The following CSTPP1 variants were observed in gnomAD, a reference collection of about 807,000 sequenced individuals.
CSTPP1 encodes the protein centriolar satellite-associated tubulin polyglutamylase complex regulator 1.
chr11:47,011,191 T>C, the CSTPP1 span, among the ~76,000 whole-genome samples: 2 of 152,224 alleles, frequency 1.3e-5, no homozygotes, highest in African/African-American at 4.8e-5. Context: ...TCTGTCAAAC[T>C]TTTTATCAAA....
the CSTPP1 span, among the ~76,000 whole-genome samples, chr11:46,958,738 G>A: frequency 4.2e-5 from 5 of 118,252 alleles, no homozygotes; most frequent in Non-Finnish European, 6.3e-5. Context: ...GTGTAGTTCC[G>A]TCTGAGTTCA....
the CSTPP1 span, among the ~76,000 whole-genome samples, chr11:47,135,867 G>C: frequency 1.4e-4 from 21 of 152,164 alleles, no homozygotes; most frequent in African/African-American, 5.1e-4. Context: ...TTGGAAGCAA[G>C]TACTTGAAGT....
the CSTPP1 span, among the ~76,000 whole-genome samples, chr11:47,111,931 AG>A: frequency 6.6e-6 from 1 of 152,218 alleles, no homozygotes; most frequent in Non-Finnish European, 1.5e-5. Flanking sequence ...TAGAGCTAAA[AG>A]GCCATATACA....
At chr11:47,145,934 A>T in the CSTPP1 span, among the ~76,000 whole-genome samples, 1 of 142,552 alleles carries the variant, frequency 7.0e-6, no homozygotes, top group Non-Finnish European at 1.5e-5. Flanking sequence ...TTTTATTTTA[A>T]GATGGGGTCT....
chr11:47,157,230 G>T, the CSTPP1 span: 1 of 1,549,316 alleles, frequency 6.5e-7, no homozygotes. Flanking sequence ...TGAGGAACGG[G>T]CATGCAGCCC....
the CSTPP1 span, among the ~76,000 whole-genome samples, chr11:47,011,501 G>A: frequency 6.6e-6 from 1 of 152,112 alleles, no homozygotes; most frequent in Non-Finnish European, 1.5e-5. Flanking sequence ...CAAGTTTTGG[G>A]GTGTGGGCAC....
the CSTPP1 span, among the ~76,000 whole-genome samples, chr11:47,098,315 T>G: frequency 6.8e-6 from 1 of 148,078 alleles, no homozygotes; most frequent in South Asian, 2.1e-4. Context: ...AAAAAATAAA[T>G]TTAAAAAAAA....
chr11:47,028,333 C>T, the CSTPP1 span, among the ~76,000 whole-genome samples: 1 of 152,096 alleles, frequency 6.6e-6, no homozygotes, highest in African/African-American at 2.4e-5. Flanking sequence ...AAGCTCATTC[C>T]GAATACATCA....
chr11:47,111,845 A>G, the CSTPP1 span, among the ~76,000 whole-genome samples: 1 of 152,214 alleles, frequency 6.6e-6, no homozygotes, highest in Non-Finnish European at 1.5e-5. Context: ...TGTAGATACC[A>G]TTTATTAAAT....
the CSTPP1 span, among the ~76,000 whole-genome samples, chr11:47,107,634 G>C: frequency 6.6e-6 from 1 of 152,124 alleles, no homozygotes; most frequent in African/African-American, 2.4e-5. Context: ...AGTTTGTCCA[G>C]GAGAGAAGGA....
the CSTPP1 span, among the ~76,000 whole-genome samples, chr11:47,068,952 T>C: frequency 1.1e-4 from 17 of 152,130 alleles, no homozygotes; most frequent in Non-Finnish European, 7.3e-5. Flanking sequence ...GTTGCAAATA[T>C]ATATATATAT....
At chr11:47,154,189 G>A in the CSTPP1 span, among the ~76,000 whole-genome samples, 4 of 151,984 alleles carry the variant, frequency 2.6e-5, no homozygotes, top group Non-Finnish European at 5.9e-5. Flanking sequence ...CACCCATCTC[G>A]GCCTCCCAAA....
the CSTPP1 span, among the ~76,000 whole-genome samples, chr11:47,058,058 G>GC: frequency 6.6e-6 from 1 of 152,168 alleles, no homozygotes; most frequent in African/African-American, 2.4e-5. Context: ...GACAGGCCAG[G>GC]CATGGTGGCT....
At chr11:47,029,069 T>G in the CSTPP1 span, among the ~76,000 whole-genome samples, 1 of 151,782 alleles carries the variant, frequency 6.6e-6, no homozygotes, top group African/African-American at 2.4e-5. Context: ...GATCTCAAAC[T>G]CCTAGGCACA....
the CSTPP1 span, chr11:47,164,264 G>A: frequency 1.1e-4 from 177 of 1,608,360 alleles, no homozygotes; most frequent in Middle Eastern, 6.6e-4. Context: ...GCCAGGGGCC[G>A]GCACTGGGCA....
the CSTPP1 span, among the ~76,000 whole-genome samples, chr11:47,133,640 A>G: frequency 6.6e-6 from 1 of 152,208 alleles, no homozygotes; most frequent in Admixed American, 6.5e-5. Context: ...GAAAATCTCA[A>G]TTCACTTGAA....
the CSTPP1 span, among the ~76,000 whole-genome samples, chr11:47,119,391 C>CCCCGA: frequency 6.6e-6 from 1 of 152,132 alleles, no homozygotes; most frequent in Non-Finnish European, 1.5e-5. Context: ...AAAGGGAACT[C>CCCCGA]CCCGACCCCT....
At chr11:46,966,998 A>C in the CSTPP1 span, among the ~76,000 whole-genome samples, 1 of 152,156 alleles carries the variant, frequency 6.6e-6, no homozygotes, top group Non-Finnish European at 1.5e-5. Flanking sequence ...GGGTGACCTT[A>C]TATGGCTGGG....
the CSTPP1 span, among the ~76,000 whole-genome samples, chr11:47,032,570 T>A: frequency 1.3e-5 from 2 of 152,192 alleles, no homozygotes; most frequent in Non-Finnish European, 2.9e-5. Flanking sequence ...AATTTTAATT[T>A]AAAAAATTTT....
Sources: gnomAD v4.1 joint callset for allele counts (sites outside exome capture counted in the v4.1 genomes callset) on GRCh38, gnomAD v4.1.1 for gene constraint, MANE v1.5 for transcripts, NCBI Gene and HGNC (gene_info 2026-07-23, HGNC 2026-07-21) for gene names.